Variants in SYT6 observed in about 807,000 individuals in gnomAD.
The protein encoded by SYT6 is synaptotagmin-6.
In SYT6, 24 loss-of-function variants were observed where a neutral mutation model predicts 38.4. The observed-to-expected ratio is 0.62, with a 90% CI of 0.45 to 0.88. The LOEUF (loss-of-function observed/expected upper bound fraction) is 0.88, where lower values mean the gene tolerates loss of function less well. SYT6 is among the 40% of genes least tolerant of loss of function. The pLI, the probability that SYT6 is intolerant of heterozygous loss-of-function variation, is 0.00. For missense variants in SYT6, 611 were observed against 621.0 expected, an observed-to-expected ratio of 0.98 and a Z score of 0.17; for synonymous variants, 265 against 241.9, an observed-to-expected ratio of 1.10 and a Z score of -0.89.
chr1:114,108,957 T>G (rs555497518), intron 3 of SYT6, among the ~76,000 whole-genome samples: 1 of 152,284 alleles, frequency 6.6e-6, no homozygotes, highest in Non-Finnish European at 1.5e-5. Context: ...TAAAAAGATC[T>G]CAGAAGCACT....
At chr1:114,119,868 G>A (rs191821124) in intron 3 of SYT6, among the ~76,000 whole-genome samples, 1 of 152,206 alleles carries the variant, frequency 6.6e-6, no homozygotes, top group Admixed American at 6.5e-5. Context: ...TCAGGAGATC[G>A]AGACCATCCT....
chr1:114,138,079 G>T (rs781087820), intron 2 of SYT6, 26 bp from the exon 3 acceptor site: 16 of 1,601,866 alleles, frequency 1.0e-5, no homozygotes, highest in East Asian at 2.2e-5. Context: ...AGGGGGCAGA[G>T]GGAGTGTGGT....
At chr1:114,136,008 G>A (rs1678457980) in intron 3 of SYT6, among the ~76,000 whole-genome samples, 1 of 152,102 alleles carries the variant, frequency 6.6e-6, no homozygotes, top group Non-Finnish European at 1.5e-5. Flanking sequence ...CTGTCTGCTC[G>A]CCCCGTCTGC....
chr1:114,112,011 C>A (rs139984281), intron 3 of SYT6, among the ~76,000 whole-genome samples: 68 of 152,288 alleles, frequency 4.5e-4, no homozygotes, highest in Admixed American at 6.5e-4. Flanking sequence ...TGGGATGTGT[C>A]TGTTGTGACG....
chr1:114,127,927 G>T (rs1364328050), intron 3 of SYT6, among the ~76,000 whole-genome samples: 1 of 152,212 alleles, frequency 6.6e-6, no homozygotes, highest in Non-Finnish European at 1.5e-5. Context: ...AGCTCCCGTT[G>T]AGCAGCAAAC....
At chr1:114,095,883 A>G (rs1018289250) in intron 6 of SYT6, among the ~76,000 whole-genome samples, 5 of 151,780 alleles carry the variant, frequency 3.3e-5, no homozygotes, top group Admixed American at 1.3e-4. Flanking sequence ...GACGGTCTCA[A>G]TCTCCTGACC....
Position 114,097,864 on chromosome 1 carries a change from C to T in SYT6, c.1378G>A (p.Glu460Lys), listed in dbSNP as rs753615074. The T allele has an allele frequency of 6.2e-7, 1 of 1,614,114 alleles. No homozygotes were observed. Among genetic ancestry groups the T allele is most frequent in the Non-Finnish European group, 8.5e-7 (1 of 1,179,978 alleles). ...CCCACACGACAGACTCCTATGATCT[C>T]ATTGTGGCCCACTCTGAGGGAGAAA... The part of the protein sequence containing the change: ...VMDYDRVGHN[E>K]IIGVCRVGIT... The change falls in exon 6 of 8, where the codon GAG (glutamate) becomes AAG (lysine). Residue 460 changes from glutamate to lysine, a missense_variant. Transcript: ENST00000610222.
intron 3 of SYT6, among the ~76,000 whole-genome samples, chr1:114,119,709 T>C (rs1677258982): frequency 6.6e-6 from 1 of 152,224 alleles, no homozygotes; most frequent in African/African-American, 2.4e-5. Context: ...GTTCACCCAA[T>C]GCTTCTGGAG....
At chr1:114,111,055 C>G (rs1396792585) in intron 3 of SYT6, among the ~76,000 whole-genome samples, 4 of 152,198 alleles carry the variant, frequency 2.6e-5, no homozygotes, top group Non-Finnish European at 5.9e-5. Flanking sequence ...CCTTCAACAC[C>G]TCGGGCTCCC....
chr1:114,096,322 C>T (rs1299200838), intron 6 of SYT6, among the ~76,000 whole-genome samples: 2 of 152,162 alleles, frequency 1.3e-5, no homozygotes, highest in Non-Finnish European at 2.9e-5. Flanking sequence ...TGGCCTCACT[C>T]ATTAAAGCTC....
chr1:114,111,089 C>T (rs983840668), intron 3 of SYT6, among the ~76,000 whole-genome samples: 2 of 152,176 alleles, frequency 1.3e-5, no homozygotes, highest in Non-Finnish European at 2.9e-5. Flanking sequence ...TAGGAGTCGG[C>T]ATGAAAAATC....
chr1:114,100,319 C>A (rs1843379), intron 4 of SYT6, among the ~76,000 whole-genome samples: 8 of 152,218 alleles, frequency 5.3e-5, no homozygotes, highest in Non-Finnish European at 8.8e-5. Context: ...TCCTGTGAAT[C>A]TGTCAGGAGG....
At chr1:114,142,756 A>C (rs1678930534) in intron 1 of SYT6, among the ~76,000 whole-genome samples, 1 of 152,226 alleles carries the variant, frequency 6.6e-6, no homozygotes, top group South Asian at 2.1e-4. Context: ...GTCAGTCAGC[A>C]GCCATCAACA....
chr1:114,110,025 C>A (rs1676581882), intron 3 of SYT6, among the ~76,000 whole-genome samples: 1 of 152,176 alleles, frequency 6.6e-6, no homozygotes, highest in Non-Finnish European at 1.5e-5. Flanking sequence ...GGAGAGCTCC[C>A]AGATGAGGCT....
At chr1:114,150,068 C>A (rs952006105) in intron 1 of SYT6, among the ~76,000 whole-genome samples, 9 of 152,158 alleles carry the variant, frequency 5.9e-5, no homozygotes, top group Admixed American at 3.9e-4. Context: ...CTCCAGACAA[C>A]CCTATACAGA....
intron 3 of SYT6, among the ~76,000 whole-genome samples, chr1:114,117,876 T>C (rs2101029176): frequency 6.6e-6 from 1 of 152,294 alleles, no homozygotes; most frequent in East Asian, 1.9e-4. Context: ...CACCTCCTCA[T>C]TAGTAAAATA....
intron 3 of SYT6, among the ~76,000 whole-genome samples, chr1:114,136,990 G>A (rs1678517278): frequency 6.6e-6 from 1 of 152,162 alleles, no homozygotes; most frequent in Admixed American, 6.5e-5. Context: ...GTTTAACTGT[G>A]GGGGCCCGTG....
intron 6 of SYT6, among the ~76,000 whole-genome samples, chr1:114,096,621 T>C (rs1190370281): frequency 6.6e-6 from 1 of 152,050 alleles, no homozygotes; most frequent in East Asian, 1.9e-4. Context: ...TTGTCCTCCA[T>C]GAGAGGGCAG....
At chr1:114,146,211 G>A (rs1401423540) in intron 1 of SYT6, among the ~76,000 whole-genome samples, 1 of 152,234 alleles carries the variant, frequency 6.6e-6, no homozygotes, top group Non-Finnish European at 1.5e-5. Flanking sequence ...AGCAAGGCTA[G>A]TAAGACCAGA....
Sources: gnomAD v4.1 joint callset for allele counts (sites outside exome capture counted in the v4.1 genomes callset) on GRCh38, gnomAD v4.1.1 for gene constraint, MANE v1.5 for transcripts, NCBI Gene and HGNC (gene_info 2026-07-23, HGNC 2026-07-21) for gene names.